The following POLK variants were observed in gnomAD, a reference collection of about 807,000 sequenced individuals.
The protein encoded by POLK is DNA polymerase kappa.
A neutral mutation model predicts 94.0 loss-of-function variants in POLK; 76 were observed. The ratio of observed to expected loss-of-function variants is 0.81; its 90% CI spans 0.67 to 0.98. POLK has a LOEUF of 0.98. Ranked by LOEUF, POLK falls within the 50% of genes least tolerant of loss-of-function variation. The pLI is 0.00. For missense variants in POLK, 954 were observed against 1,010.1 expected, an observed-to-expected ratio of 0.94 and a Z score of 0.75; for synonymous variants, 349 against 325.4, an observed-to-expected ratio of 1.07 and a Z score of -0.78.
rs572859955 is a variant in POLK, at chr5:75,540,247, G to T, written c.-13-6763G>T. ...ACAGTATCTCAATTTCTTATTTGTAGTGTAGCCCTATCCTATTATCCTGGC... is the reference window on the plus strand; with the variant it reads ...ACAGTATCTCAATTTCTTATTTGTATTGTAGCCCTATCCTATTATCCTGGC... On this transcript the variant is annotated intron_variant, in intron 1 of 14. Coordinates refer to ENST00000241436, the Ensembl canonical transcript of POLK. 2.5e-4 allele frequency among the ~76,000 whole-genome samples: 38 copies of T among 151,796 alleles called. 1 individual carries two copies. In the South Asian group the frequency reaches 7.7e-3, roughly 31 times the overall value.
intron 1 of POLK, among the ~76,000 whole-genome samples, chr5:75,534,097 C>G (rs1364961613): frequency 6.6e-6 from 1 of 152,036 alleles, no homozygotes; most frequent in East Asian, 1.9e-4. Flanking sequence ...GAAACCCCAT[C>G]TCTACTAAAA....
At chr5:75,584,848 T>C (rs761970289) in exon 9 of POLK, 6 of 1,602,262 alleles carry the variant, frequency 3.7e-6, no homozygotes, top group Non-Finnish European at 5.1e-6. Flanking sequence ...AGGGCATTGC[T>C]TTCTCTCCTT....
At chr5:75,595,527 G>A (rs1003549966) in intron 12 of POLK, among the ~76,000 whole-genome samples, 1 of 151,646 alleles carries the variant, frequency 6.6e-6, no homozygotes, top group Non-Finnish European at 1.5e-5. Flanking sequence ...TGAGATTCTG[G>A]AAAAGGCAAA....
intron 12 of POLK, among the ~76,000 whole-genome samples, chr5:75,595,565 G>A (rs915235328): frequency 4.6e-5 from 7 of 152,130 alleles, no homozygotes; most frequent in African/African-American, 1.7e-4. Context: ...ATAATTGATT[G>A]TCAGGAGTTA....
At chr5:75,574,665 T>C (rs1221073882) in intron 5 of POLK, among the ~76,000 whole-genome samples, 2 of 152,192 alleles carry the variant, frequency 1.3e-5, no homozygotes, top group African/African-American at 4.8e-5. Flanking sequence ...ACCCCTCTTA[T>C]TTGTATTCCA....
chr5:75,517,328 T>C (rs1768368444), intron 1 of POLK, among the ~76,000 whole-genome samples: 1 of 152,220 alleles, frequency 6.6e-6, no homozygotes, highest in Non-Finnish European at 1.5e-5. Flanking sequence ...CAGTGTTTTA[T>C]AGTTTTCTTT....
intron 1 of POLK, among the ~76,000 whole-genome samples, chr5:75,539,047 C>T (rs1383355985): frequency 6.6e-6 from 1 of 152,180 alleles, no homozygotes; most frequent in East Asian, 1.9e-4. Flanking sequence ...GCAGGGATTA[C>T]AGGCATGAGC....
chr5:75,527,266 G>A (rs1223643678), intron 1 of POLK, among the ~76,000 whole-genome samples: 2 of 151,940 alleles, frequency 1.3e-5, no homozygotes, highest in Admixed American at 6.6e-5. Flanking sequence ...CCTAATCTCA[G>A]CACTGTGGGA....
chr5:75,552,383 T>C, intron 2 of POLK, 89 bp from the exon 3 acceptor site: 1 of 1,181,806 alleles, frequency 8.5e-7, no homozygotes, highest in East Asian at 2.6e-5. Flanking sequence ...TTCTGTTTCC[T>C]GAGTATGTGC....
intron 5 of POLK, 77 bp downstream of exon 5, chr5:75,573,946 T>C: frequency 4.8e-6 from 7 of 1,455,720 alleles, no homozygotes; most frequent in Non-Finnish European, 6.7e-6. Flanking sequence ...CCAAGTGCCT[T>C]AGCACGTAGG....
chr5:75,571,599 G>T (rs190227729), intron 4 of POLK, among the ~76,000 whole-genome samples: 1 of 152,288 alleles, frequency 6.6e-6, no homozygotes, highest in Admixed American at 6.5e-5. Context: ...ATGGATTCCA[G>T]CTTCAGAACT....
chr5:75,556,730 C>A (rs1304101230), intron 3 of POLK, among the ~76,000 whole-genome samples: 1 of 144,718 alleles, frequency 6.9e-6, no homozygotes, highest in Non-Finnish European at 1.5e-5. Context: ...TTTTTTTTAA[C>A]ATGAGGATAT....
chr5:75,532,554 C>G (rs1769233881), intron 1 of POLK, among the ~76,000 whole-genome samples: 1 of 152,042 alleles, frequency 6.6e-6, no homozygotes, highest in Admixed American at 6.5e-5. Context: ...CAAGCACATG[C>G]ATGTGTCTTT....
At chr5:75,511,370 C>CCG, upstream of POLK, 3 of 1,546,334 alleles carry the variant, frequency 1.9e-6, no homozygotes, top group Non-Finnish European at 2.6e-6. Context: ...CGCCGCGCCG[C>CCG]CGCCGCGCCT....
chr5:75,560,787 T>G (rs995749134), intron 3 of POLK, among the ~76,000 whole-genome samples: 9 of 152,120 alleles, frequency 5.9e-5, no homozygotes, highest in Non-Finnish European at 1.3e-4. Context: ...TCTGTTTCTG[T>G]GTTAGTTTGC....
exon 3 of POLK, chr5:75,552,525 A>T (rs1361459492): frequency 1.2e-6 from 2 of 1,612,950 alleles, no homozygotes; most frequent in African/African-American, 1.3e-5. Context: ...TCAACCAACG[A>T]ATTGAAAATA....
chr5:75,516,366 T>A (rs2112519936), intron 1 of POLK, among the ~76,000 whole-genome samples: 1 of 152,262 alleles, frequency 6.6e-6, no homozygotes, highest in South Asian at 2.1e-4. Context: ...GAGGATTGCT[T>A]GACCCCAGGA....
intron 3 of POLK, among the ~76,000 whole-genome samples, chr5:75,554,090 G>C: frequency 6.6e-6 from 1 of 152,150 alleles, no homozygotes; most frequent in Admixed American, 6.5e-5. Flanking sequence ...TATTAAACAA[G>C]TGAAAAAGAA....
In POLK at chr5:75,597,409, A is replaced by G. The variant is rs5744715; in HGVS notation, c.2485+231A>G. On this transcript the variant is annotated intron_variant, in intron 13 of 14. Transcript: ENST00000241436. ...CTTGATTTAGCACAGAATGAACTCAAAGGTTTAAGGAGCTGAGTGATCTAA... is the reference window on the plus strand; with the variant it reads ...CTTGATTTAGCACAGAATGAACTCAGAGGTTTAAGGAGCTGAGTGATCTAA... The G allele has an allele frequency of 2.0e-4, 92 of 467,924 alleles. 1 individual carries two copies. The South Asian group carries it at 2.7e-3, about 14-fold the overall frequency. The allele number at this position is 467,924 out of a possible 1,614,324, so 29.0% of individuals were successfully genotyped here.
Sources: gnomAD v4.1 joint callset for allele counts (sites outside exome capture counted in the v4.1 genomes callset) on GRCh38, gnomAD v4.1.1 for gene constraint, MANE v1.5 for transcripts, NCBI Gene and HGNC (gene_info 2026-07-23, HGNC 2026-07-21) for gene names.